Variants in FRK observed in about 807,000 individuals in gnomAD.
FRK encodes the protein fyn related Src family tyrosine kinase.
A neutral mutation model predicts 56.4 loss-of-function variants in FRK; 51 were observed. The observed-to-expected ratio is 0.90, with a 90% CI of 0.72 to 1.14. The LOEUF (loss-of-function observed/expected upper bound fraction) is 1.14, where lower values mean the gene tolerates loss of function less well. Among genes scored for constraint, FRK ranks in the 50% most tolerant of loss-of-function variants. The pLI is 0.00. For missense variants in FRK, 570 were observed against 601.4 expected (o/e 0.95, Z 0.55); for synonymous variants, 245 against 217.9 (o/e 1.12, Z -1.10).
At chr6:116,039,027 T>G (rs555132759) in intron 1 of FRK, 1 of 745,924 alleles carries the variant, frequency 1.3e-6, no homozygotes, top group Admixed American at 1.7e-5. Flanking sequence ...CAATCGAGGG[T>G]CCTGGGGCAC....
chr6:116,035,329 G>A (rs1384364680), intron 1 of FRK, among the ~76,000 whole-genome samples: 1 of 151,984 alleles, frequency 6.6e-6, no homozygotes, highest in Admixed American at 6.6e-5. Flanking sequence ...CTCAAGAGAG[G>A]TCAAAAATTG....
At chr6:116,048,408 C>A (rs556795958) in intron 1 of FRK, among the ~76,000 whole-genome samples, 4 of 152,146 alleles carry the variant, frequency 2.6e-5, no homozygotes, top group Non-Finnish European at 4.4e-5. Flanking sequence ...TGTTTTGAGA[C>A]AGGGTCTTGC....
chr6:116,051,819 A>AT lies in FRK; in HGVS notation c.344+8148dup, dbSNP rs1261286361. ...AAACTAGTAAAAAGAAGATAAAATTATTTTTTGGTAATGTTAGAATGTACA... is the reference window on the plus strand; with the variant it reads ...AAACTAGTAAAAAGAAGATAAAATTATTTTTTTGGTAATGTTAGAATGTACA... On this transcript the variant is annotated intron_variant, in intron 1 of 7. Coordinates refer to ENST00000606080, the MANE Select transcript of FRK (RefSeq NM_002031.3). 4.4e-4 allele frequency among the ~76,000 whole-genome samples: 67 copies of AT among 152,268 alleles called. 1 individual carries two copies. Among genetic ancestry groups the AT allele is most frequent in the African/African-American group, 1.6e-3 (66 of 41,574 alleles).
intron 2 of FRK, among the ~76,000 whole-genome samples, chr6:115,980,145 C>T (rs555620801): frequency 6.6e-6 from 1 of 151,738 alleles, no homozygotes; most frequent in East Asian, 1.9e-4. Flanking sequence ...GACCAGTTAC[C>T]AACAGGGAAT....
intron 2 of FRK, among the ~76,000 whole-genome samples, chr6:115,976,996 G>A (rs1212075443): frequency 6.6e-6 from 1 of 152,110 alleles, no homozygotes; most frequent in East Asian, 1.9e-4. Context: ...TATTAATTCT[G>A]TGTGCAAAAA....
intron 5 of FRK, among the ~76,000 whole-genome samples, chr6:115,950,981 G>A (rs568704218): frequency 6.6e-6 from 1 of 152,206 alleles, no homozygotes; most frequent in South Asian, 2.1e-4. Flanking sequence ...AGAACACATG[G>A]GCACAGGGAG....
At chr6:116,034,763 T>C (rs1776407082) in intron 1 of FRK, among the ~76,000 whole-genome samples, 1 of 152,190 alleles carries the variant, frequency 6.6e-6, no homozygotes, top group African/African-American at 2.4e-5. Flanking sequence ...TTACCCTGGA[T>C]ACTTGGTAAT....
intron 1 of FRK, among the ~76,000 whole-genome samples, chr6:116,010,937 T>G (rs1422587859): frequency 6.6e-6 from 1 of 152,162 alleles, no homozygotes; most frequent in Non-Finnish European, 1.5e-5. Context: ...AACAGTTTCA[T>G]CCCAAGTGAC....
intron 1 of FRK, among the ~76,000 whole-genome samples, chr6:116,021,035 T>C (rs961146079): frequency 1.3e-5 from 2 of 152,152 alleles, no homozygotes; most frequent in African/African-American, 2.4e-5. Flanking sequence ...AAATGTAATA[T>C]TTTTATGATC....
chr6:116,075,510 T>C, the FRK span, among the ~76,000 whole-genome samples: 1 of 150,422 alleles, frequency 6.6e-6, no homozygotes, highest in African/African-American at 2.4e-5. Flanking sequence ...CTCCCAGAAG[T>C]TGGTACAAAG....
rs1221309562 is a variant in FRK at position 115,940,294 on chromosome 6, T to G, written c.*2120A>C. Reference sequence around the variant, plus strand: ...CTAGCCATATGCAGAAAACTGAAACTGGACCCCTTCCTTACACCTATACAA... The same window carrying G: ...CTAGCCATATGCAGAAAACTGAAACGGGACCCCTTCCTTACACCTATACAA... On this transcript the variant is annotated 3_prime_UTR_variant, in exon 8 of 8. Transcript: ENST00000606080. The G allele has an allele frequency of 1.3e-5, 2 of 152,172 alleles. No individual in the cohort carries two copies. The highest frequency in any genetic ancestry group is 2.4e-5 in the African/African-American group (1 of 41,424). The allele number at this position is 152,172 out of a possible 1,614,324, so 9.4% of individuals were successfully genotyped here.
chr6:116,048,758 T>C (rs1398553209), intron 1 of FRK, among the ~76,000 whole-genome samples: 1 of 152,218 alleles, frequency 6.6e-6, no homozygotes, highest in Non-Finnish European at 1.5e-5. Context: ...GTTTTACTTC[T>C]ACCATTTACC....
the FRK span, among the ~76,000 whole-genome samples, chr6:116,067,339 C>T: frequency 6.6e-6 from 1 of 152,094 alleles, no homozygotes; most frequent in African/African-American, 2.4e-5. Flanking sequence ...TACAGCAGCC[C>T]AAAGGAACTA....
At chr6:115,951,870 A>C (rs1474535628) in intron 5 of FRK, among the ~76,000 whole-genome samples, 1 of 152,168 alleles carries the variant, frequency 6.6e-6, no homozygotes, top group Non-Finnish European at 1.5e-5. Context: ...AAAAGTTCAC[A>C]AACCTATGAT....
At chr6:116,001,364 G>C (rs780392743) in intron 2 of FRK, among the ~76,000 whole-genome samples, 27 of 151,990 alleles carry the variant, frequency 1.8e-4, no homozygotes, top group African/African-American at 5.6e-4. Context: ...TCTAGATATA[G>C]ATAGATTTAT....
intron 1 of FRK, among the ~76,000 whole-genome samples, 155 bp downstream of exon 1, chr6:116,059,813 G>T (rs1777548490): frequency 6.6e-6 from 1 of 152,172 alleles, no homozygotes; most frequent in African/African-American, 2.4e-5. Flanking sequence ...ACTTAGCGGG[G>T]GAGGTGTGTT....
chr6:116,002,156 T>A (rs913818776), intron 2 of FRK, among the ~76,000 whole-genome samples: 4 of 152,194 alleles, frequency 2.6e-5, no homozygotes, highest in Non-Finnish European at 5.9e-5. Flanking sequence ...TCTTTCATAA[T>A]GAGAAAAAAA....
chr6:115,973,174 C>T (rs1003093183), intron 2 of FRK, among the ~76,000 whole-genome samples: 5 of 152,182 alleles, frequency 3.3e-5, no homozygotes, highest in Non-Finnish European at 2.9e-5. Context: ...TTCCTACTGG[C>T]TATGACTCTT....
In FRK at chr6:116,034,720, C is replaced by T. The variant is rs547644185; in HGVS notation, c.344+25248G>A. Among the ~76,000 whole-genome samples the T allele has an allele frequency of 4.6e-5, 7 of 152,106 alleles. No homozygotes were observed. The East Asian group carries it at 1.2e-3, about 25-fold the overall frequency. On this transcript the variant is annotated intron_variant, in intron 1 of 7. Transcript: ENST00000606080. ...CACAAAAATCTGGATTCAAATAAAC[C>T]ATAAAAAACAAACTATAAAACTGTG... is the stretch of plus-strand genomic sequence containing the variant.
Sources: gnomAD v4.1 joint callset for allele counts (sites outside exome capture counted in the v4.1 genomes callset) on GRCh38, gnomAD v4.1.1 for gene constraint, MANE v1.5 for transcripts, NCBI Gene and HGNC (gene_info 2026-07-23, HGNC 2026-07-21) for gene names.